The following TSNAXIP1 variants were observed in gnomAD, a reference collection of about 807,000 sequenced individuals.
TSNAXIP1 encodes translin-associated factor X-interacting protein 1.
A neutral mutation model predicts 84.8 loss-of-function variants in TSNAXIP1; 89 were observed. The observed-to-expected ratio is 1.05, with a 90% CI of 0.88 to 1.25. The LOEUF (loss-of-function observed/expected upper bound fraction) is 1.25. Ranked by LOEUF, TSNAXIP1 falls within the 50% of genes most tolerant of loss-of-function variation. The probability of loss-of-function intolerance (pLI) is 0.00; values close to 1 mark genes in which losing one functional copy is unlikely to be tolerated. For synonymous variants in TSNAXIP1, 347 were observed against 335.2 expected (o/e 1.04, Z -0.39); for missense variants, 874 against 887.6 (o/e 0.98, Z 0.20).
rs200207521 is a variant in TSNAXIP1 at position 67,826,772 on chromosome 16, T to C, written c.1482T>C (p.Thr494=). ...GPSDAMAWAY[T]IFENIKIFHS... ...GTGATGCCATGGCCTGGGCTTATAC[T>C]ATTTTTGAAAATATCAAGATCTTCC... The change falls in exon 12 of 16, where the codon ACT becomes ACC. Residue 494 remains threonine (T), a synonymous_variant. Transcript: ENST00000561639. 4.2e-5 allele frequency: 67 copies of C among 1,614,202 alleles called. No individual in the cohort carries two copies. The South Asian group carries it at 6.9e-4, about 17-fold the overall frequency.
At chr16:67,813,657 G>C (rs1393968042) in intron 1 of TSNAXIP1, among the ~76,000 whole-genome samples, 4 of 148,434 alleles carry the variant, frequency 2.7e-5, no homozygotes, top group Non-Finnish European at 5.9e-5. Context: ...GCTTGAACCC[G>C]CGAGATGGAG....
Position 67,811,736 on chromosome 16 carries a change from G to A in TSNAXIP1, c.48-2566G>A, listed in dbSNP as rs185997001. Among the ~76,000 whole-genome samples the A allele has an allele frequency of 5.3e-5, 8 of 151,980 alleles. 1 individual carries two copies. The Middle Eastern group carries it at 0.01, about 194-fold the overall frequency. On this transcript the variant is annotated intron_variant, in intron 1 of 15. Coordinates refer to ENST00000561639, the MANE Select transcript of TSNAXIP1 (RefSeq NM_001288990.3). ...GGATTACAGGCTTGAGCCACTGCACGGCGAATAATATATTAGTCTTGATAA... is the reference window on the plus strand; with the variant it reads ...GGATTACAGGCTTGAGCCACTGCACAGCGAATAATATATTAGTCTTGATAA...
chr16:67,812,327 T>C (rs143000188), intron 1 of TSNAXIP1, among the ~76,000 whole-genome samples: 5 of 152,240 alleles, frequency 3.3e-5, no homozygotes, highest in Non-Finnish European at 7.3e-5. Flanking sequence ...ATGCAGTTCA[T>C]TGCAGTTTAC....
In TSNAXIP1 at chr16:67,826,457, T is replaced by G. The variant is rs1212493050; in HGVS notation, c.1296T>G (p.Pro432=). 6.2e-7 allele frequency: 1 copy of G among 1,613,988 alleles called. No individual in the cohort carries two copies. Among genetic ancestry groups the G allele is most frequent in the Non-Finnish European group, 8.5e-7 (1 of 1,180,020 alleles). ...CCTAGGGCTATGGGGAAGCCATCCCTGCTTTTCTTCGGTTTGATGGCCTCG... is the reference window on the plus strand; with the variant it reads ...CCTAGGGCTATGGGGAAGCCATCCCGGCTTTTCTTCGGTTTGATGGCCTCG... The part of the protein sequence containing the change: ...FPGLGYGEAI[P]AFLRFDGLVE... The change falls in exon 11 of 16, where the codon CCT becomes CCG. Residue 432 remains proline, a synonymous_variant. Transcript: ENST00000561639.
intron 7 of TSNAXIP1, 57 bp downstream of exon 7, chr16:67,825,329 G>T (rs1567771240): frequency 6.2e-7 from 1 of 1,602,832 alleles, no homozygotes. Flanking sequence ...GAAGACTCTG[G>T]TCTCACCCCT....
intron 1 of TSNAXIP1, among the ~76,000 whole-genome samples, chr16:67,808,403 G>A (rs201244258): frequency 2.6e-5 from 4 of 151,954 alleles, no homozygotes; most frequent in African/African-American, 7.3e-5. Flanking sequence ...GGTGAAACCC[G>A]GTCTCTACAA....
At position 67,821,103 on chromosome 16, in the gene TSNAXIP1, T is replaced by A; in HGVS notation, c.265T>A (p.Cys89Ser). ...SDDYRKRVGSCQQHPFRTAKP... is the reference protein window; with the variant it reads ...SDDYRKRVGSSQQHPFRTAKP... ...ATCAGCCACTGTCCCCTGCAGGAGC[T>A]GCCAGCAGCACCCCTTTCGCACTGC... is the stretch of plus-strand genomic sequence containing the variant. The change falls in exon 4 of 16, where the codon TGC (cysteine) becomes AGC (serine). Residue 89 changes from cysteine (C) to serine (S), a missense_variant. Transcript: ENST00000561639. 6.2e-7 allele frequency: 1 copy of A among 1,613,412 alleles called. No homozygotes were observed. Among genetic ancestry groups the A allele is most frequent in the Non-Finnish European group, 8.5e-7 (1 of 1,179,786 alleles).
chr16:67,824,805 C>A, intron 6 of TSNAXIP1, 26 bp downstream of exon 6: 1 of 1,604,080 alleles, frequency 6.2e-7, no homozygotes, highest in African/African-American at 1.3e-5. Context: ...GTGATGATGA[C>A]CAAGTCCCCG....
At chr16:67,814,770 C>T (rs2056403688) in intron 2 of TSNAXIP1, among the ~76,000 whole-genome samples, 1 of 152,184 alleles carries the variant, frequency 6.6e-6, no homozygotes, top group Non-Finnish European at 1.5e-5. Context: ...ACGGTCACAC[C>T]AGATCTGCCA....
At chr16:67,827,098 C>A in intron 13 of TSNAXIP1, 26 bp downstream of exon 13, 1 of 1,611,386 alleles carries the variant, frequency 6.2e-7, no homozygotes, top group South Asian at 1.1e-5. Flanking sequence ...AGGCTACCCC[C>A]AACTCCTACC....
At chr16:67,824,301 G>C (rs1268489267) in intron 5 of TSNAXIP1, among the ~76,000 whole-genome samples, 5 of 152,122 alleles carry the variant, frequency 3.3e-5, no homozygotes, top group African/African-American at 9.7e-5. Flanking sequence ...GAGTCAGCAG[G>C]CTCCCCTGCC....
rs1418050027 is a variant in TSNAXIP1, at chr16:67,828,022, TC to T, written c.*31del. On this transcript the variant is annotated 3_prime_UTR_variant, in exon 16 of 16. Transcript: ENST00000561639. ...CTTGTGGGCAGCCTGCGTACTCCAG[TC>T]CTGCTAACCCCTAGCTTTTAATATA... 1 of 1,608,794 alleles carries T rather than the reference TC, an allele frequency of 6.2e-7. No homozygotes were observed. The highest frequency in any genetic ancestry group is 2.2e-5 in the East Asian group (1 of 44,816).
chr16:67,827,702 G>A (rs775425514), intron 15 of TSNAXIP1, 51 bp from the exon 16 acceptor site: 2 of 1,611,538 alleles, frequency 1.2e-6, no homozygotes, highest in Non-Finnish European at 1.7e-6. Flanking sequence ...TGGGAGTCTG[G>A]GGCACGGAGA....
intron 8 of TSNAXIP1, 37 bp downstream of exon 8, chr16:67,825,873 G>C (rs755686849): frequency 1.9e-6 from 3 of 1,614,046 alleles, no homozygotes; most frequent in East Asian, 2.2e-5. Context: ...GGGTAGGACG[G>C]GGTCTCACAG....
chr16:67,827,733 C>T lies in TSNAXIP1; in HGVS notation c.1899-20C>T. 6.2e-7 allele frequency: 1 copy of T among 1,613,598 alleles called. No homozygotes were observed. Among genetic ancestry groups the T allele is most frequent in the Non-Finnish European group, 8.5e-7 (1 of 1,179,962 alleles). On this transcript the variant is annotated intron_variant, in intron 15 of 15. Transcript: ENST00000561639. ...GGAGAGGAGGGGTCAGGGCCTGTCA[C>T]TCTCTTTCCTGTGGGGCAGCCATGA...
In TSNAXIP1 at chr16:67,823,751, C is replaced by T. The variant is rs200572267; in HGVS notation, c.481+32C>T. 294 of 1,572,396 alleles carry T rather than the reference C, an allele frequency of 1.9e-4. No individual in the cohort carries two copies. In the African/African-American group the frequency reaches 3.8e-3, roughly 20 times the overall value. The stretch of plus-strand genomic sequence containing the variant: ...ATGCACCTCCTGCCAGGCGTAGTGG[C>T]TCACGCCTGTAATCCCAGCACTTTA... On this transcript the variant is annotated intron_variant, in intron 5 of 15. Transcript: ENST00000561639.
At position 67,825,175 on chromosome 16, in the gene TSNAXIP1, G is replaced by T. The variant is rs1395369569; in HGVS notation, c.717G>T (p.Leu239=). 6.2e-7 allele frequency: 1 copy of T among 1,614,058 alleles called. No individual in the cohort carries two copies. Among genetic ancestry groups the T allele is most frequent in the Non-Finnish European group, 8.5e-7 (1 of 1,180,046 alleles). The change falls in exon 7 of 16, where the codon CTG becomes CTT. Residue 239 remains leucine, a synonymous_variant. Coordinates refer to ENST00000561639, the MANE Select transcript of TSNAXIP1 (RefSeq NM_001288990.3). ...KLRKNLAEEY[L]HYLSERDACK... The stretch of plus-strand genomic sequence containing the variant: ...GGAAGAACTTGGCTGAGGAGTACCT[G>T]CACTACCTCAGTGAGCGAGATGCCT...
At chr16:67,819,102 C>G (rs998828853) in intron 2 of TSNAXIP1, among the ~76,000 whole-genome samples, 12 of 151,974 alleles carry the variant, frequency 7.9e-5, no homozygotes, top group Middle Eastern at 3.4e-3. Flanking sequence ...ACTCAAGAGG[C>G]AGAGCTGCAG....
At position 67,827,959 on chromosome 16, in the gene TSNAXIP1, G is replaced by T; in HGVS notation, c.2105G>T (p.Arg702Leu). The change falls in exon 16 of 16, where the codon CGT (arginine) becomes CTT (leucine). Residue 702 changes from arginine to leucine, a missense_variant. Transcript: ENST00000561639. ...CGGCTTCAGGTGATTGACATCAGGC[G>T]TGTGGGACCTCGAGAGCCAGAGCCT... ...LERLQVIDIR[R>L]VGPREPEPAS 2 of 1,613,640 alleles carry T rather than the reference G, an allele frequency of 1.2e-6. No individual in the cohort carries two copies. The highest frequency in any genetic ancestry group is 1.7e-6 in the Non-Finnish European group (2 of 1,180,002).
Sources: gnomAD v4.1 joint callset for allele counts (sites outside exome capture counted in the v4.1 genomes callset) on GRCh38, gnomAD v4.1.1 for gene constraint, MANE v1.5 for transcripts, NCBI Gene and HGNC (gene_info 2026-07-23, HGNC 2026-07-21) for gene names.